SPRED2: variants seen among roughly 807,000 people sequenced by gnomAD.
SPRED2 encodes sprouty related EVH1 domain containing 2.
A neutral mutation model predicts 43.0 loss-of-function variants in SPRED2; 47 were observed. That is an observed-to-expected ratio of 1.09 (90% CI 0.87 to 1.40). The LOEUF is 1.40. SPRED2 is among the 40% of genes most tolerant of loss of function. The probability of loss-of-function intolerance (pLI) is 0.00; values close to 1 mark genes in which losing one functional copy is unlikely to be tolerated. For synonymous variants in SPRED2, 225 were observed against 225.7 expected (o/e 1.00, Z 0.03); for missense variants, 561 against 586.4 (o/e 0.96, Z 0.45).
intron 4 of SPRED2, among the ~76,000 whole-genome samples, chr2:65,328,215 T>C (rs1204137394): frequency 6.6e-6 from 1 of 152,158 alleles, no homozygotes; most frequent in Non-Finnish European, 1.5e-5. Context: ...GGCTTTCAAG[T>C]AGGGACAGGG....
At chr2:65,410,336 GTCTC>G (rs951421123) in intron 1 of SPRED2, among the ~76,000 whole-genome samples, 5 of 152,154 alleles carry the variant, frequency 3.3e-5, no homozygotes, top group African/African-American at 1.2e-4. Context: ...CTCTCTCTCT[GTCTC>G]TCTCCTGCCC....
chr2:65,420,369 A>T (rs977165663), intron 1 of SPRED2, among the ~76,000 whole-genome samples: 1 of 152,176 alleles, frequency 6.6e-6, no homozygotes, highest in African/African-American at 2.4e-5. Flanking sequence ...TTTGGGGGGA[A>T]ACAAAGGGGC....
intron 2 of SPRED2, among the ~76,000 whole-genome samples, chr2:65,339,632 A>G (rs1572852035): frequency 6.6e-6 from 1 of 150,750 alleles, no homozygotes; most frequent in African/African-American, 2.4e-5. Flanking sequence ...TTGTCTGCTG[A>G]CCTTCCCTCC....
chr2:65,404,047 A>G (rs1449384262), intron 1 of SPRED2, among the ~76,000 whole-genome samples: 2 of 152,084 alleles, frequency 1.3e-5, no homozygotes, highest in Admixed American at 6.6e-5. Flanking sequence ...TCTACTAAAA[A>G]TACAAAAACT....
chr2:65,399,209 C>T (rs1359951126), intron 1 of SPRED2, among the ~76,000 whole-genome samples: 3 of 146,240 alleles, frequency 2.1e-5, no homozygotes, highest in Non-Finnish European at 4.5e-5. Flanking sequence ...GCAGAGGTTG[C>T]GGTGAGCCGA....
chr2:65,322,582 C>T (rs185451816), intron 4 of SPRED2, among the ~76,000 whole-genome samples: 68 of 152,050 alleles, frequency 4.5e-4, no homozygotes, highest in Non-Finnish European at 7.7e-4. Context: ...CGTGAGCCAC[C>T]GTGCCCGGCC....
chr2:65,410,090 G>A (rs1676120484), intron 1 of SPRED2, among the ~76,000 whole-genome samples: 1 of 151,706 alleles, frequency 6.6e-6, no homozygotes, highest in South Asian at 2.1e-4. Context: ...TCTTGTGCAA[G>A]GCCAGGCGTA....
chr2:65,330,827 T>C (rs533343556), intron 4 of SPRED2, among the ~76,000 whole-genome samples: 2 of 152,264 alleles, frequency 1.3e-5, no homozygotes, highest in Admixed American at 6.5e-5. Context: ...ACAACAAAAA[T>C]ATCTGTGTGT....
Position 65,313,305 on chromosome 2 carries a change from T to G in SPRED2, c.*196A>C. ...GTGTGTATGGATGTGGCTGCTGCAG[T>G]GTGGGCGGCAGGGGGAGTGGAGAGT... is the stretch of plus-strand genomic sequence containing the variant. On this transcript the variant is annotated 3_prime_UTR_variant, in exon 6 of 6. Coordinates refer to ENST00000356388, the MANE Select transcript of SPRED2 (RefSeq NM_181784.3). 1 of 1,428,834 alleles carries G rather than the reference T, an allele frequency of 7.0e-7. No individual in the cohort carries two copies. The highest frequency in any genetic ancestry group is 1.4e-5 in the African/African-American group (1 of 69,810). The allele number at this position is 1,428,834 out of a possible 1,614,324, so 88.5% of individuals were successfully genotyped here. A position where few individuals can be genotyped will look rare whatever the true frequency, so the allele number is the denominator to read the frequency against.
chr2:65,380,327 T>C (rs1302710674), intron 1 of SPRED2, among the ~76,000 whole-genome samples: 1 of 152,138 alleles, frequency 6.6e-6, no homozygotes, highest in African/African-American at 2.4e-5. Flanking sequence ...ACCTTATAGA[T>C]CTTAGTCAAG....
intron 1 of SPRED2, among the ~76,000 whole-genome samples, chr2:65,368,053 G>T (rs574662690): frequency 6.6e-6 from 1 of 152,166 alleles, no homozygotes; most frequent in Non-Finnish European, 1.5e-5. Flanking sequence ...ATATTGATGC[G>T]CTGTGAAAAC....
chr2:65,340,830 T>C (rs549065056), intron 2 of SPRED2, among the ~76,000 whole-genome samples: 9 of 152,354 alleles, frequency 5.9e-5, no homozygotes, highest in Non-Finnish European at 8.8e-5. Flanking sequence ...CTAGTTGGAA[T>C]ACTGGGAACT....
intron 1 of SPRED2, among the ~76,000 whole-genome samples, chr2:65,393,427 G>A (rs374206674): frequency 2.4e-4 from 36 of 151,546 alleles, no homozygotes; most frequent in African/African-American, 8.7e-4. Flanking sequence ...CACCTCCCGG[G>A]TTCAAGTGAT....
intron 1 of SPRED2, among the ~76,000 whole-genome samples, chr2:65,396,004 T>A (rs748442029): frequency 1.1e-4 from 17 of 152,228 alleles, no homozygotes; most frequent in South Asian, 2.1e-4. Flanking sequence ...AAATCTGGAA[T>A]TGAACTGTCT....
intron 1 of SPRED2, among the ~76,000 whole-genome samples, chr2:65,355,476 G>C (rs557671463): frequency 6.6e-5 from 10 of 152,220 alleles, no homozygotes; most frequent in African/African-American, 9.6e-5. Flanking sequence ...TAGCACTTTG[G>C]GGGGACGAGG....
chr2:65,313,759 C>T lies in SPRED2; in HGVS notation c.999G>A (p.Val333=), dbSNP rs1673142265. 42 of 1,614,088 alleles carry T rather than the reference C, an allele frequency of 2.6e-5. No homozygotes were observed. Among genetic ancestry groups the T allele is most frequent in the Non-Finnish European group, 3.2e-5 (38 of 1,180,052 alleles). The change falls in exon 6 of 6, where the codon GTG becomes GTA. Residue 333 remains valine (V), a synonymous_variant. Transcript: ENST00000356388. ...RGHCQDAPDS[V]RTCIRRVSCM... ...AGCTCACCCGGCGGATGCAAGTTCT[C>T]ACGGAGTCGGGCGCGTCCTGGCAGT...
chr2:65,338,363 T>G (rs1369791650), intron 2 of SPRED2, among the ~76,000 whole-genome samples: 1 of 149,312 alleles, frequency 6.7e-6, no homozygotes, highest in Non-Finnish European at 1.5e-5. Context: ...AGCTGGACTG[T>G]ACTGCTGCCA....
rs112519437 is a variant in SPRED2 at position 65,312,168 on chromosome 2, C to A, written c.*1333G>T. On this transcript the variant is annotated 3_prime_UTR_variant, in exon 6 of 6. Coordinates refer to ENST00000356388, the MANE Select transcript of SPRED2 (RefSeq NM_181784.3). ...TTTTCCAGCTAATTAGAAGCCTCCT[C>A]CGTGGCAAGGCGACAGGCAGAACCA... 2,620 of 985,684 alleles carry A rather than the reference C, an allele frequency of 2.7e-3. 3 individuals carry two copies. Among genetic ancestry groups the A allele is most frequent in the Non-Finnish European group, 2.8e-3 (2,349 of 829,946 alleles). The allele number at this position is 985,684 out of a possible 1,614,324, so 61.1% of individuals were successfully genotyped here.
chr2:65,374,679 T>C (rs1675198894), intron 1 of SPRED2, among the ~76,000 whole-genome samples: 1 of 152,252 alleles, frequency 6.6e-6, no homozygotes, highest in Admixed American at 6.5e-5. Context: ...AAATTCTTCC[T>C]GGCTCTGCCA....
Sources: gnomAD v4.1 joint callset for allele counts (sites outside exome capture counted in the v4.1 genomes callset) on GRCh38, gnomAD v4.1.1 for gene constraint, MANE v1.5 for transcripts, NCBI Gene and HGNC (gene_info 2026-07-23, HGNC 2026-07-21) for gene names.